EVA1A: variants seen among roughly 807,000 people sequenced by gnomAD.
EVA1A encodes the protein protein eva-1 homolog A.
A neutral mutation model predicts 9.8 loss-of-function variants in EVA1A; 7 were observed. That is an observed-to-expected ratio of 0.71 (90% CI 0.41 to 1.34). The LOEUF is 1.34. EVA1A is among the 40% of genes most tolerant of loss of function. The pLI is 0.01. For synonymous variants in EVA1A, 90 were observed against 85.6 expected (o/e 1.05, Z -0.28); for missense variants, 206 against 205.9 (o/e 1.00, Z 0.00).
At chr2:75,516,082 G>A (rs539400553) in intron 3 of EVA1A, among the ~76,000 whole-genome samples, 2 of 152,332 alleles carry the variant, frequency 1.3e-5, no homozygotes, top group African/African-American at 2.4e-5. Flanking sequence ...GGGGCCCTGC[G>A]GGGTTGAAGA....
Position 75,493,415 on chromosome 2 carries a change from C to G in EVA1A, c.280G>C (p.Asp94His). 6.2e-7 allele frequency: 1 copy of G among 1,614,200 alleles called. No individual in the cohort carries two copies. Among genetic ancestry groups the G allele is most frequent in the Non-Finnish European group, 8.5e-7 (1 of 1,180,044 alleles). The change falls in exon 4 of 4, where the codon GAT (aspartate) becomes CAT (histidine). Residue 94 changes from aspartate to histidine, a missense_variant. Physicochemically the swap from Asp to His is moderately conservative, Grantham distance 81. Transcript: ENST00000393913. ...SEDGSEDTVSDLSVRRHRRFE... is the reference protein window; with the variant it reads ...SEDGSEDTVSHLSVRRHRRFE... ...CGGCGGTGTCTCCGCACGGAGAGAT[C>G]GGACACGGTGTCCTCACTGCCATCC...
At chr2:75,505,966 T>A (rs1674607278) in intron 3 of EVA1A, among the ~76,000 whole-genome samples, 1 of 152,210 alleles carries the variant, frequency 6.6e-6, no homozygotes, top group African/African-American at 2.4e-5. Context: ...CTGCTTATAG[T>A]CAGAGTATAT....
At chr2:75,527,608 A>T (rs1675496959) in intron 1 of EVA1A, among the ~76,000 whole-genome samples, 1 of 152,232 alleles carries the variant, frequency 6.6e-6, no homozygotes, top group Admixed American at 6.5e-5. Context: ...TTATCTGGCA[A>T]AGATTTTTAA....
chr2:75,558,254 A>G (rs1676792944), intron 1 of EVA1A, among the ~76,000 whole-genome samples: 1 of 152,252 alleles, frequency 6.6e-6, no homozygotes, highest in African/African-American at 2.4e-5. Context: ...AGTTAGTCAT[A>G]CTAGTCTGCA....
intron 3 of EVA1A, among the ~76,000 whole-genome samples, chr2:75,495,475 G>A (rs953671476): frequency 1.3e-5 from 2 of 152,182 alleles, no homozygotes; most frequent in African/African-American, 2.4e-5. Flanking sequence ...CTAGTGGCTT[G>A]TTCCAGGTCA....
At chr2:75,552,505 T>C (rs184873916) in intron 1 of EVA1A, among the ~76,000 whole-genome samples, 53 of 152,316 alleles carry the variant, frequency 3.5e-4, no homozygotes, top group African/African-American at 1.3e-3. Flanking sequence ...TGCCAAAGGC[T>C]TTCTTGAGTC....
chr2:75,510,920 A>T (rs115359358), intron 3 of EVA1A, among the ~76,000 whole-genome samples: 390 of 152,366 alleles, frequency 2.6e-3, no homozygotes, highest in Admixed American at 4.8e-3. Flanking sequence ...GTTTTTGTAA[A>T]TAAAATTTTA....
intron 3 of EVA1A, among the ~76,000 whole-genome samples, chr2:75,510,705 A>G (rs1356653481): frequency 6.6e-6 from 1 of 152,266 alleles, no homozygotes. Flanking sequence ...CAAGTGATAA[A>G]TTAAGAAAAA....
Position 75,522,482 on chromosome 2 carries a change from C to T in EVA1A, c.-186G>A, listed in dbSNP as rs559508369. 6.6e-5 allele frequency: 10 copies of T among 152,354 alleles called. No individual in the cohort carries two copies. The South Asian group carries it at 1.2e-3, about 19-fold the overall frequency. The allele number at this position is 152,354 out of a possible 1,614,324, so 9.4% of individuals were successfully genotyped here. A position where few individuals can be genotyped will look rare whatever the true frequency, so the allele number is the denominator to read the frequency against. On this transcript the variant is annotated 5_prime_UTR_variant, in exon 2 of 4. Coordinates refer to ENST00000393913, the MANE Select transcript of EVA1A (RefSeq NM_001135032.2). ...ACTTGTTTGGCCCCAGTTGGCTTCTCAGACTCTGAAAGAAAAAAGAAGCAG... is the reference window on the plus strand; with the variant it reads ...ACTTGTTTGGCCCCAGTTGGCTTCTTAGACTCTGAAAGAAAAAAGAAGCAG...
chr2:75,517,977 C>T (rs1195316010), intron 3 of EVA1A, 79 bp downstream of exon 3: 1 of 1,541,928 alleles, frequency 6.5e-7, no homozygotes, highest in African/African-American at 1.4e-5. Context: ...GAGAATAAGG[C>T]CAGAGATGGC....
chr2:75,510,496 G>A (rs1313448747), intron 3 of EVA1A, among the ~76,000 whole-genome samples: 1 of 152,102 alleles, frequency 6.6e-6, no homozygotes, highest in Non-Finnish European at 1.5e-5. Flanking sequence ...TTAAGTTGTG[G>A]GGGGTGAGGC....
chr2:75,518,116 G>T lies in EVA1A; in HGVS notation c.25C>A (p.Pro9Thr). ...AGCAAAGCCATCTCCACGTGCTCTG[G>T]GCTGTGGCTGAGGGGCAGCCTCATG... The part of the protein sequence containing the change: MRLPLSHS[P>T]EHVEMALLSN... The change falls in exon 3 of 4, where the codon CCA (proline) becomes ACA (threonine). Residue 9 changes from proline (P) to threonine (T), a missense_variant. Coordinates refer to ENST00000393913, the MANE Select transcript of EVA1A (RefSeq NM_001135032.2). 1 of 1,614,112 alleles carries T rather than the reference G, an allele frequency of 6.2e-7. No homozygotes were observed. The highest frequency in any genetic ancestry group is 8.5e-7 in the Non-Finnish European group (1 of 1,180,012).
intron 2 of EVA1A, among the ~76,000 whole-genome samples, chr2:75,521,395 G>A (rs1675225229): frequency 1.3e-5 from 2 of 152,188 alleles, no homozygotes; most frequent in South Asian, 4.1e-4. Flanking sequence ...AATGTTCAGA[G>A]CTGCATTATT....
At chr2:75,507,509 G>A (rs2103808856) in intron 3 of EVA1A, among the ~76,000 whole-genome samples, 1 of 152,200 alleles carries the variant, frequency 6.6e-6, no homozygotes, top group African/African-American at 2.4e-5. Context: ...ATAATCAGAG[G>A]GGGCCTCTGG....
chr2:75,541,257 C>A (rs1676107277), intron 1 of EVA1A, among the ~76,000 whole-genome samples: 2 of 152,226 alleles, frequency 1.3e-5, no homozygotes, highest in African/African-American at 4.8e-5. Context: ...CAGAAGTTAT[C>A]TTTAAAAACC....
chr2:75,556,876 C>T (rs539310511), intron 1 of EVA1A, among the ~76,000 whole-genome samples: 45 of 152,274 alleles, frequency 3.0e-4, no homozygotes, highest in African/African-American at 9.6e-4. Flanking sequence ...TGACAGGAGG[C>T]GGAGCTCAGG....
chr2:75,527,467 C>G lies in EVA1A; in HGVS notation c.-191-4980G>C, dbSNP rs55687128. Among the ~76,000 whole-genome samples the G allele has an allele frequency of 7.0e-3, 1,059 of 152,338 alleles. 9 individuals are homozygous for G. Among genetic ancestry groups the G allele is most frequent in the African/African-American group, 0.024 (1,010 of 41,574 alleles). On this transcript the variant is annotated intron_variant, in intron 1 of 3. Coordinates refer to ENST00000393913, the MANE Select transcript of EVA1A (RefSeq NM_001135032.2). The stretch of plus-strand genomic sequence containing the variant: ...TGTCAGAGGCAGCCTAGTCAGGACT[C>G]TCATCACTACCAGTGGTTACGAGCC...
At chr2:75,515,764 A>C (rs972543217) in intron 3 of EVA1A, among the ~76,000 whole-genome samples, 1 of 152,188 alleles carries the variant, frequency 6.6e-6, no homozygotes, top group Admixed American at 6.5e-5. Flanking sequence ...CCGTCTTCCT[A>C]AAGAGTACAA....
chr2:75,553,411 C>T (rs1486592731), intron 1 of EVA1A, among the ~76,000 whole-genome samples: 5 of 152,210 alleles, frequency 3.3e-5, no homozygotes, highest in Non-Finnish European at 7.3e-5. Flanking sequence ...TTTCAGAGAA[C>T]TTACTGTAAT....
Sources: allele counts gnomAD v4.1 joint callset (sites outside exome capture counted in the v4.1 genomes callset), GRCh38; gene constraint gnomAD v4.1.1; transcripts MANE v1.5; gene names NCBI Gene and HGNC (gene_info 2026-07-23, HGNC 2026-07-21).